The following ANK3 variants were observed in gnomAD, a reference collection of about 807,000 sequenced individuals.
The protein encoded by ANK3 is ankyrin-3.
Under a neutral mutation model 370.9 loss-of-function variants are expected in ANK3, and 57 were observed. The observed-to-expected ratio is 0.15, with a 90% CI of 0.12 to 0.19. ANK3 has a LOEUF of 0.19. Ranked by LOEUF, ANK3 falls within the 10% of genes least tolerant of loss-of-function variation. ANK3 has a pLI of 1.00. For missense variants in ANK3, 4,439 were observed against 5,302.1 expected, an observed-to-expected ratio of 0.84 and a Z score of 5.06; for synonymous variants, 1,929 against 1,946.3, an observed-to-expected ratio of 0.99 and a Z score of 0.23.
At chr10:60,192,685 T>A (rs145097892) in intron 16 of ANK3, among the ~76,000 whole-genome samples, 1 of 152,152 alleles carries the variant, frequency 6.6e-6, no homozygotes, top group Non-Finnish European at 1.5e-5. Context: ...CATTGGAGAC[T>A]TGGAAAGGTG....
intron 1 of ANK3, among the ~76,000 whole-genome samples, chr10:60,618,055 T>A (rs1040278993): frequency 2.0e-5 from 3 of 152,152 alleles, no homozygotes; most frequent in Admixed American, 1.3e-4. Context: ...TTTTATGATA[T>A]TAAATTTTTT....
At chr10:60,445,493 A>G (rs7089801) in intron 2 of ANK3, among the ~76,000 whole-genome samples, 2,474 of 152,214 alleles carry the variant, frequency 0.016, 79 homozygotes, top group African/African-American at 0.056. Flanking sequence ...TTTAAAAAAA[A>G]AAATCAGGGC....
intron 2 of ANK3, among the ~76,000 whole-genome samples, chr10:60,425,920 A>G (rs1306784590): frequency 6.6e-6 from 1 of 152,122 alleles, no homozygotes; most frequent in Non-Finnish European, 1.5e-5. Context: ...AAAGCCCTTT[A>G]GGTTCTCTAG....
chr10:60,043,607 G>A (rs1417628500), intron 42 of ANK3: 1 of 985,312 alleles, frequency 1.0e-6, no homozygotes. Context: ...TTTCCCTGCA[G>A]AACATACTGG....
intron 1 of ANK3, among the ~76,000 whole-genome samples, chr10:60,666,314 G>A (rs2078995237): frequency 6.6e-6 from 1 of 152,104 alleles, no homozygotes; most frequent in Non-Finnish European, 1.5e-5. Flanking sequence ...GACAAATACT[G>A]TATGACTCCA....
At chr10:60,254,367 C>T in intron 7 of ANK3, among the ~76,000 whole-genome samples, 1 of 152,004 alleles carries the variant, frequency 6.6e-6, no homozygotes, top group Non-Finnish European at 1.5e-5. Flanking sequence ...AAAGTAGAGT[C>T]TCCAAAAGCC....
At chr10:60,461,133 C>A (rs1466712720) in intron 2 of ANK3, among the ~76,000 whole-genome samples, 1 of 152,148 alleles carries the variant, frequency 6.6e-6, no homozygotes, top group African/African-American at 2.4e-5. Flanking sequence ...CTCAGCACGT[C>A]ACATCCTATC....
At chr10:60,573,006 A>G in intron 2 of ANK3, 1 of 987,670 alleles carries the variant, frequency 1.0e-6, no homozygotes, top group Non-Finnish European at 1.2e-6. Flanking sequence ...TGCTTCTAGC[A>G]GGCTGGGAAG....
intron 7 of ANK3, among the ~76,000 whole-genome samples, chr10:60,254,351 C>T (rs771775895): frequency 2.6e-5 from 4 of 151,930 alleles, no homozygotes; most frequent in African/African-American, 7.3e-5. Flanking sequence ...CATCACTACA[C>T]AAACCAAAGT....
At chr10:60,299,753 A>G (rs1035572872) in intron 1 of ANK3, among the ~76,000 whole-genome samples, 1 of 152,214 alleles carries the variant, frequency 6.6e-6, no homozygotes, top group Non-Finnish European at 1.5e-5. Flanking sequence ...ATTATTAAAC[A>G]AGATGACTTA....
rs954161178 is a variant in ANK3 at position 60,086,991 on chromosome 10, C to A, written c.3541-107G>T. On this transcript the variant is annotated intron_variant, in intron 29 of 43. Transcript: ENST00000280772. ...AAGGAAAAAAACAAAAACAGACAAC[C>A]AAAAAAAAAAAAAAAAAACCCAGGT... 0.014 allele frequency: 1,997 copies of A among 144,336 alleles called. 18 individuals carry two copies. Among genetic ancestry groups the A allele is most frequent in the South Asian group, 0.044 (292 of 6,574 alleles). The allele number at this position is 144,336 out of a possible 1,614,324, so 8.9% of individuals were successfully genotyped here.
chr10:60,661,536 T>C (rs541987311), intron 1 of ANK3, among the ~76,000 whole-genome samples: 14 of 152,308 alleles, frequency 9.2e-5, no homozygotes, highest in Non-Finnish European at 1.8e-4. Flanking sequence ...CTGTGTATTC[T>C]ACAGCTTTGT....
At chr10:60,494,520 C>A (rs941599077) in intron 2 of ANK3, among the ~76,000 whole-genome samples, 2 of 152,068 alleles carry the variant, frequency 1.3e-5, no homozygotes, top group Admixed American at 6.6e-5. Context: ...TAATAAAAAT[C>A]CTAAATACTT....
chr10:60,591,615 T>G (rs2077915729), intron 2 of ANK3, among the ~76,000 whole-genome samples: 1 of 152,128 alleles, frequency 6.6e-6, no homozygotes, highest in African/African-American at 2.4e-5. Context: ...CGACAAGATA[T>G]CTGCACTCCC....
At chr10:60,211,549 A>T (rs1312884200) in intron 9 of ANK3, among the ~76,000 whole-genome samples, 1 of 152,174 alleles carries the variant, frequency 6.6e-6, no homozygotes, top group Non-Finnish European at 1.5e-5. Context: ...AAATGAGTTA[A>T]TATGTGTAAA....
chr10:60,478,198 A>C (rs2075122159), intron 2 of ANK3, among the ~76,000 whole-genome samples: 1 of 152,092 alleles, frequency 6.6e-6, no homozygotes, highest in Non-Finnish European at 1.5e-5. Flanking sequence ...ATTTTTAAGA[A>C]ACAAACCTGA....
intron 1 of ANK3, among the ~76,000 whole-genome samples, chr10:60,699,673 C>T (rs1336399961): frequency 1.3e-5 from 2 of 151,694 alleles, no homozygotes; most frequent in East Asian, 3.9e-4. Flanking sequence ...GATGTAATTC[C>T]ATACAGGAAG....
chr10:60,259,928 C>G (rs1279116198), intron 7 of ANK3, among the ~76,000 whole-genome samples: 1 of 152,190 alleles, frequency 6.6e-6, no homozygotes, highest in Admixed American at 6.5e-5. Flanking sequence ...AAGTGTCAAA[C>G]TAGGCCTTGG....
intron 15 of ANK3, 83 bp downstream of exon 15, chr10:60,196,444 G>T (rs2096586350): frequency 9.9e-6 from 10 of 1,014,012 alleles, no homozygotes; most frequent in Non-Finnish European, 1.4e-5. Context: ...GTTATAATTT[G>T]AGTGGCTATT....
Sources: allele counts gnomAD v4.1 joint callset (sites outside exome capture counted in the v4.1 genomes callset), GRCh38; gene constraint gnomAD v4.1.1; transcripts MANE v1.5; gene names NCBI Gene and HGNC (gene_info 2026-07-23, HGNC 2026-07-21).